Variants in EPB41L1 observed in about 807,000 individuals in gnomAD.
EPB41L1 encodes the protein erythrocyte membrane protein band 4.1 like 1.
Under a neutral mutation model 97.8 loss-of-function variants are expected in EPB41L1, and 29 were observed. That is an observed-to-expected ratio of 0.30 (90% CI 0.22 to 0.40). EPB41L1 has a LOEUF of 0.40. Among genes scored for constraint, EPB41L1 ranks in the 10% least tolerant of loss-of-function variants. The probability of loss-of-function intolerance (pLI) is 1.00; values close to 1 mark genes in which losing one functional copy is unlikely to be tolerated. For synonymous variants in EPB41L1, 383 were observed against 459.2 expected (o/e 0.83, Z 2.12); for missense variants, 812 against 1,162.3 (o/e 0.70, Z 4.38).
At chr20:36,130,975 A>ATT (rs778904971) in intron 2 of EPB41L1, among the ~76,000 whole-genome samples, 14 of 124,322 alleles carry the variant, frequency 1.1e-4, no homozygotes, top group African/African-American at 3.3e-4. Context: ...CACCCGGCTA[A>ATT]TTTTTTTTTT....
rs1174921208 is a variant in EPB41L1 at position 36,222,361 on chromosome 20, C to T, written c.2604C>T (p.Asp868=). The T allele has an allele frequency of 1.2e-6, 2 of 1,613,932 alleles. No homozygotes were observed. The highest frequency in any genetic ancestry group is 1.7e-6 in the Non-Finnish European group (2 of 1,180,018). The part of the protein sequence containing the change: ...VTKAVVYRET[D]PSPEERDKKP... ...AAGCTGTCGTATACAGAGAAACAGA[C>T]CCATCCCCAGAGGAGAGGGACAAGA... Residue 868 remains aspartate (D), a synonymous_variant, in exon 21 of 22, where the codon GAC becomes GAT. Transcript: ENST00000338074.
intron 19 of EPB41L1, among the ~76,000 whole-genome samples, 191 bp downstream of exon 19, chr20:36,220,035 G>A (rs886860121): frequency 6.6e-6 from 1 of 152,270 alleles, no homozygotes; most frequent in Non-Finnish European, 1.5e-5. Flanking sequence ...CCCACACGGC[G>A]TTGACAGCCA....
chr20:36,192,604 C>A (rs2062014712), intron 11 of EPB41L1, among the ~76,000 whole-genome samples: 1 of 150,976 alleles, frequency 6.6e-6, no homozygotes, highest in Non-Finnish European at 1.5e-5. Flanking sequence ...TCCCAGAACA[C>A]CTTGGGGCAG....
intron 17 of EPB41L1, among the ~76,000 whole-genome samples, chr20:36,216,931 C>G (rs1399948530): frequency 6.6e-6 from 1 of 152,166 alleles, no homozygotes; most frequent in Non-Finnish European, 1.5e-5. Flanking sequence ...TGACACCGTT[C>G]ACTAGCCAAT....
At chr20:36,205,746 A>G in intron 14 of EPB41L1, 1 of 1,144,024 alleles carries the variant, frequency 8.7e-7, no homozygotes, top group Non-Finnish European at 1.1e-6. Context: ...AAAGTCAAAC[A>G]TTTCAGTGGT....
intron 2 of EPB41L1, among the ~76,000 whole-genome samples, chr20:36,128,866 G>A (rs998334953): frequency 6.6e-6 from 1 of 152,184 alleles, no homozygotes; most frequent in Non-Finnish European, 1.5e-5. Flanking sequence ...CACAGGTGTG[G>A]TGGGAGGCAG....
intron 2 of EPB41L1, among the ~76,000 whole-genome samples, chr20:36,117,272 C>G (rs552381723): frequency 6.6e-6 from 1 of 152,260 alleles, no homozygotes; most frequent in East Asian, 1.9e-4. Context: ...CTGGGGGACT[C>G]AGGCCTCAGG....
At chr20:36,104,515 T>C (rs1207430961) in intron 1 of EPB41L1, among the ~76,000 whole-genome samples, 1 of 151,768 alleles carries the variant, frequency 6.6e-6, no homozygotes, top group Non-Finnish European at 1.5e-5. Context: ...GCCGGGAAGA[T>C]GGGGTAGAAA....
In EPB41L1 at chr20:36,207,320, C is replaced by T. The variant is rs2062875768; in HGVS notation, c.1669-2168C>T. On this transcript the variant is annotated intron_variant, in intron 14 of 21. Transcript: ENST00000338074. This position sits in a 1 kb window ranked among gnomAD's most constrained non-coding sequence, Gnocchi z 4.9. ...ACCAGCAGAAAGCCCAGAGTAGTCC[C>T]TGAAGAAGCTGAGGGGCGCATACCT... is the stretch of plus-strand genomic sequence containing the variant. 1 of 1,285,242 alleles carries T rather than the reference C, an allele frequency of 7.8e-7. No individual in the cohort carries two copies. The highest frequency in any genetic ancestry group is 1.0e-6 in the Non-Finnish European group (1 of 986,128). 79.6% of individuals were successfully genotyped at this position (1,285,242 alleles called of 1,614,324 possible). A position where few individuals can be genotyped will look rare whatever the true frequency, so the allele number is the denominator to read the frequency against.
chr20:36,199,691 G>A (rs1423499368), intron 14 of EPB41L1, among the ~76,000 whole-genome samples: 4 of 152,194 alleles, frequency 2.6e-5, no homozygotes, highest in African/African-American at 4.8e-5. Flanking sequence ...GCTGGGTGGC[G>A]GAGGCTGGTC....
At chr20:36,188,522 T>A (rs2061779527) in intron 9 of EPB41L1, 23 bp downstream of exon 9, 1 of 1,584,270 alleles carries the variant, frequency 6.3e-7, no homozygotes, top group South Asian at 1.1e-5. Flanking sequence ...TGGGAAACAC[T>A]CCTCCTCACC....
intron 1 of EPB41L1, among the ~76,000 whole-genome samples, chr20:36,159,443 G>A (rs1456470181): frequency 1.3e-5 from 2 of 152,172 alleles, no homozygotes; most frequent in African/African-American, 4.8e-5. Context: ...AAGCTCTTTT[G>A]CATCCTTGAT....
chr20:36,180,008 C>G (rs2061413509), intron 5 of EPB41L1, among the ~76,000 whole-genome samples: 2 of 152,158 alleles, frequency 1.3e-5, no homozygotes, highest in Admixed American at 1.3e-4. Flanking sequence ...GGACCAGGAG[C>G]TTGGGAAAGA....
intron 1 of EPB41L1, chr20:36,155,639 T>A (rs1232435664): frequency 2.2e-6 from 1 of 456,456 alleles, no homozygotes; most frequent in Admixed American, 2.3e-5. Context: ...TGGCTCAAAG[T>A]GGTCCATGGA....
At chr20:36,148,421 A>C (rs961478071) in intron 2 of EPB41L1, among the ~76,000 whole-genome samples, 65 of 152,212 alleles carry the variant, frequency 4.3e-4, no homozygotes, top group African/African-American at 1.4e-3. Context: ...AGGGTCTCCC[A>C]GGCAGAGAAG....
At chr20:36,194,882 G>A (rs186090479) in intron 12 of EPB41L1, among the ~76,000 whole-genome samples, 13 of 152,214 alleles carry the variant, frequency 8.5e-5, no homozygotes, top group East Asian at 7.7e-4. Flanking sequence ...GTATGCACCC[G>A]TCACCCTTAG....
intron 1 of EPB41L1, among the ~76,000 whole-genome samples, chr20:36,166,119 G>A (rs964311994): frequency 2.6e-5 from 4 of 152,214 alleles, no homozygotes; most frequent in Non-Finnish European, 5.9e-5. Flanking sequence ...ATGCAGCCCA[G>A]GTCTCCATCC....
intron 2 of EPB41L1, among the ~76,000 whole-genome samples, chr20:36,174,395 C>T (rs1374083423): frequency 2.0e-5 from 3 of 152,052 alleles, no homozygotes; most frequent in Non-Finnish European, 2.9e-5. Context: ...GCCTCAGCCT[C>T]CTTAGTAACT....
intron 1 of EPB41L1, among the ~76,000 whole-genome samples, chr20:36,099,678 G>A (rs773935347): frequency 1.1e-4 from 17 of 152,118 alleles, no homozygotes; most frequent in African/African-American, 2.2e-4. Context: ...GGTCCTTGCC[G>A]TTGCCCTTAT....
Sources: gnomAD v4.1 joint callset for allele counts (sites outside exome capture counted in the v4.1 genomes callset) on GRCh38, gnomAD v4.1.1 for gene constraint, Gnocchi (gnomAD v3.1) non-coding constraint, MANE v1.5 for transcripts, NCBI Gene and HGNC (gene_info 2026-07-23, HGNC 2026-07-21) for gene names.